Variants in ATP11A observed in about 807,000 individuals in gnomAD.
The protein encoded by ATP11A is ATPase phospholipid transporting 11A, also known as phospholipid-transporting ATPase IH.
ATP11A carries 81 observed loss-of-function variants against 154.4 expected under a neutral mutation model. The observed-to-expected ratio is 0.52, with a 90% CI of 0.44 to 0.63. The LOEUF (loss-of-function observed/expected upper bound fraction) is 0.63. Among genes scored for constraint, ATP11A ranks in the 30% least tolerant of loss-of-function variants. ATP11A has a pLI of 0.00. For synonymous variants in ATP11A, 623 were observed against 585.9 expected, an observed-to-expected ratio of 1.06 and a Z score of -0.91; for missense variants, 1,316 against 1,474.3, an observed-to-expected ratio of 0.89 and a Z score of 1.76.
chr13:112,707,541 C>A (rs1190253811), intron 1 of ATP11A, among the ~76,000 whole-genome samples: 1 of 152,016 alleles, frequency 6.6e-6, no homozygotes, highest in African/African-American at 2.4e-5. Flanking sequence ...TGAAGCCGAT[C>A]CTCTTAAAAC....
intron 24 of ATP11A, 80 bp downstream of exon 24, chr13:112,860,494 C>G: frequency 6.4e-7 from 1 of 1,559,594 alleles, no homozygotes; most frequent in Non-Finnish European, 8.8e-7. Flanking sequence ...CAATAGCCAC[C>G]TGGCAGACCT....
At chr13:112,833,668 T>C (rs1189777615) in intron 14 of ATP11A, among the ~76,000 whole-genome samples, 1 of 152,204 alleles carries the variant, frequency 6.6e-6, no homozygotes, top group Non-Finnish European at 1.5e-5. Flanking sequence ...TTGTCGCTGC[T>C]AAACTAATGT....
intron 17 of ATP11A, 28 bp from the exon 18 acceptor site, chr13:112,851,009 G>T: frequency 6.2e-7 from 1 of 1,604,172 alleles, no homozygotes; most frequent in Non-Finnish European, 8.5e-7. Flanking sequence ...CCTTGAATTC[G>T]TGCTAAACGC....
intron 17 of ATP11A, among the ~76,000 whole-genome samples, chr13:112,846,192 G>A (rs1424123419): frequency 6.6e-6 from 1 of 152,024 alleles, no homozygotes; most frequent in Non-Finnish European, 1.5e-5. Flanking sequence ...TCGGATCTGC[G>A]GCGTTTCATC....
At chr13:112,711,621 G>T (rs1887763804) in intron 1 of ATP11A, among the ~76,000 whole-genome samples, 1 of 152,134 alleles carries the variant, frequency 6.6e-6, no homozygotes, top group African/African-American at 2.4e-5. Flanking sequence ...GGCACTGCAG[G>T]GACATCCCGT....
chr13:112,705,600 G>T (rs1184611473), intron 1 of ATP11A, among the ~76,000 whole-genome samples: 1 of 152,188 alleles, frequency 6.6e-6, no homozygotes, highest in Non-Finnish European at 1.5e-5. Context: ...AAGCCGGCAG[G>T]GACCATCAGA....
chr13:112,834,036 C>T (rs1362646266), intron 14 of ATP11A, among the ~76,000 whole-genome samples: 2 of 152,234 alleles, frequency 1.3e-5, no homozygotes, highest in African/African-American at 4.8e-5. Context: ...CTGTCTCTGC[C>T]GTCCCAGTGG....
Position 112,863,857 on chromosome 13 carries a change from G to A in ATP11A, c.2991+1282G>A, listed in dbSNP as rs373238404. Among the ~76,000 whole-genome samples, 57 of 30,422 alleles carry A rather than the reference G, an allele frequency of 1.9e-3. 1 individual carries two copies. The highest frequency in any genetic ancestry group is 2.6e-3 in the Admixed American group (5 of 1,906). The allele number at this position is 30,422 out of a possible 152,430, so 20.0% of individuals were successfully genotyped here. ...CACCACCTGCGCAGTAATTCAGTGC[G>A]GCCCATGCAGCTTCCCAGCGGGGTC... On this transcript the variant is annotated intron_variant, in intron 25 of 29. Coordinates refer to ENST00000375645, the MANE Select transcript of ATP11A (RefSeq NM_015205.3).
At chr13:112,820,824 A>G (rs959934640) in intron 8 of ATP11A, among the ~76,000 whole-genome samples, 17 of 152,236 alleles carry the variant, frequency 1.1e-4, no homozygotes, top group African/African-American at 3.9e-4. Context: ...ATGTCTGGGT[A>G]GGTACAGCAT....
intron 1 of ATP11A, chr13:112,747,098 T>C (rs1892250978): frequency 6.7e-6 from 1 of 150,246 alleles, no homozygotes; most frequent in African/African-American, 2.5e-5. Context: ...TGAGTAGGAG[T>C]GTTCAGAAGG....
intron 25 of ATP11A, among the ~76,000 whole-genome samples, chr13:112,862,903 C>T (rs1335919797): frequency 3.4e-5 from 5 of 148,782 alleles, no homozygotes; most frequent in Middle Eastern, 3.6e-3. Flanking sequence ...AGCTTCCCAG[C>T]GGGGTCCATC....
intron 1 of ATP11A, among the ~76,000 whole-genome samples, chr13:112,701,243 G>T (rs1317918613): frequency 6.6e-6 from 1 of 152,222 alleles, no homozygotes; most frequent in African/African-American, 2.4e-5. Flanking sequence ...AGGTTGCCTG[G>T]CAGTTACAAG....
chr13:112,720,587 C>G (rs987610752), intron 1 of ATP11A, among the ~76,000 whole-genome samples: 1 of 151,996 alleles, frequency 6.6e-6, no homozygotes, highest in African/African-American at 2.4e-5. Context: ...GAGACGGAGT[C>G]TCGCTCTGTC....
rs902507885 is a variant in ATP11A, at chr13:112,704,794, C to T, written c.39+14339C>T. Among the ~76,000 whole-genome samples, 10 of 152,360 alleles carry T rather than the reference C, an allele frequency of 6.6e-5. No homozygotes were observed. In the East Asian group the frequency reaches 9.6e-4, roughly 15 times the overall value. On this transcript the variant is annotated intron_variant, in intron 1 of 29. Transcript: ENST00000375645. ...TCCTGCTTCAGAGAAAAGAGGATTT[C>T]CTCCAACCTATTTTCAGCAAAGGAT... is the stretch of plus-strand genomic sequence containing the variant.
intron 24 of ATP11A, chr13:112,860,790 A>T (rs1456469697): frequency 6.2e-6 from 1 of 160,092 alleles, no homozygotes; most frequent in Non-Finnish European, 1.4e-5. Context: ...AAAAACAAAA[A>T]TTAACAGCTC....
At chr13:112,821,514 A>T (rs1376266275) in intron 8 of ATP11A, among the ~76,000 whole-genome samples, 2 of 152,140 alleles carry the variant, frequency 1.3e-5, no homozygotes, top group Admixed American at 6.5e-5. Context: ...GGGTTTTGCC[A>T]TGTCGGTCAA....
intron 1 of ATP11A, among the ~76,000 whole-genome samples, chr13:112,762,832 G>A (rs1199392292): frequency 6.6e-6 from 1 of 152,226 alleles, no homozygotes; most frequent in African/African-American, 2.4e-5. Context: ...GGAGTGGCGT[G>A]GAGGCCGGGG....
intron 1 of ATP11A, among the ~76,000 whole-genome samples, chr13:112,700,720 G>A (rs568008172): frequency 7.7e-4 from 118 of 152,342 alleles, no homozygotes; most frequent in African/African-American, 2.8e-3. Context: ...AGCTTAGACA[G>A]CAGGTTCCAC....
intron 2 of ATP11A, among the ~76,000 whole-genome samples, chr13:112,790,922 T>A (rs571987291): frequency 6.6e-6 from 1 of 152,332 alleles, no homozygotes; most frequent in South Asian, 2.1e-4. Context: ...ACAGGATATG[T>A]AAATGCTGAA....
Sources: gnomAD v4.1 joint callset for allele counts (sites outside exome capture counted in the v4.1 genomes callset) on GRCh38, gnomAD v4.1.1 for gene constraint, MANE v1.5 for transcripts, NCBI Gene and HGNC (gene_info 2026-07-23, HGNC 2026-07-21) for gene names.